Variants in SPATA7 observed in about 807,000 individuals in gnomAD.
SPATA7 encodes the protein spermatogenesis-associated protein 7.
A neutral mutation model predicts 51.8 loss-of-function variants in SPATA7; 43 were observed. The observed-to-expected ratio is 0.83, with a 90% confidence interval of 0.65 to 1.07. SPATA7 has a LOEUF of 1.07. SPATA7 is among the 50% of genes least tolerant of loss of function. The probability of loss-of-function intolerance (pLI) is 0.00; values close to 1 mark genes in which losing one functional copy is unlikely to be tolerated. For missense variants in SPATA7, 683 were observed against 701.3 expected, an observed-to-expected ratio of 0.97 and a Z score of 0.30; for synonymous variants, 230 against 252.8, an observed-to-expected ratio of 0.91 and a Z score of 0.86.
intron 3 of SPATA7, among the ~76,000 whole-genome samples, chr14:88,445,197 T>C (rs1219644311): frequency 6.6e-6 from 1 of 151,308 alleles, no homozygotes; most frequent in Middle Eastern, 3.4e-3. Context: ...AAGAGGTCCT[T>C]CACATCCCTT....
At chr14:88,439,757 A>G (rs187980368), downstream of SPATA7, among the ~76,000 whole-genome samples, 92 of 152,252 alleles carry the variant, frequency 6.0e-4, 1 homozygote, top group Non-Finnish European at 5.9e-5. Context: ...GACCATCACC[A>G]CTGTCTTCAG....
intron 4 of SPATA7, among the ~76,000 whole-genome samples, chr14:88,409,651 T>G (rs2076288238): frequency 6.6e-6 from 1 of 152,186 alleles, no homozygotes; most frequent in African/African-American, 2.4e-5. Context: ...TAGTTTGCTC[T>G]CGCTCCTCTA....
intron 6 of SPATA7, 120 bp downstream of exon 6, chr14:88,426,824 T>G: frequency 4.5e-6 from 4 of 896,804 alleles, no homozygotes; most frequent in Non-Finnish European, 7.0e-6. Flanking sequence ...TTGATTGGAA[T>G]GAGATGAATG....
intron 1 of SPATA7, 35 bp downstream of exon 1, chr14:88,385,872 G>A (rs374569984): frequency 1.3e-6 from 2 of 1,586,226 alleles, no homozygotes; most frequent in East Asian, 2.3e-5. Flanking sequence ...CCGCCGCCTC[G>A]CCCCTCGCTC....
At chr14:88,410,003 C>G (rs531772933) in intron 4 of SPATA7, among the ~76,000 whole-genome samples, 14 of 152,150 alleles carry the variant, frequency 9.2e-5, no homozygotes, top group Admixed American at 2.6e-4. Flanking sequence ...GAGTGTTTTA[C>G]TTCCAATTAT....
At position 88,469,612 on chromosome 14, in the gene SPATA7, G is replaced by T; in HGVS notation, c.255-235G>T. On this transcript the variant is annotated intron_variant, in intron 4 of 4. Transcript: ENST00000556406. The surrounding 1 kb of genome is among the most constrained non-coding windows in gnomAD (Gnocchi z 4.3). ...GAGGTGCTTCATCTTCAGGCCTGTG[G>T]TGGCATAGCAGCCAGAGTCTGTGCG... The T allele has an allele frequency of 6.2e-7, 1 of 1,614,146 alleles. No homozygotes were observed. The highest frequency in any genetic ancestry group is 2.2e-5 in the East Asian group (1 of 44,874).
intron 9 of SPATA7, among the ~76,000 whole-genome samples, chr14:88,432,171 C>A (rs977631637): frequency 1.3e-5 from 2 of 152,066 alleles, no homozygotes; most frequent in Non-Finnish European, 2.9e-5. Context: ...CTAACCTCAG[C>A]AGTTCTTTGC....
At chr14:88,431,955 G>GA (rs1402751786) in intron 9 of SPATA7, among the ~76,000 whole-genome samples, 2 of 152,024 alleles carry the variant, frequency 1.3e-5, no homozygotes, top group African/African-American at 4.8e-5. Context: ...ATTTTTTTGA[G>GA]AAATAATAAC....
At chr14:88,459,849 G>C (rs534058909), downstream of SPATA7, among the ~76,000 whole-genome samples, 107 of 152,080 alleles carry the variant, frequency 7.0e-4, 1 homozygote, top group Non-Finnish European at 1.0e-4. Flanking sequence ...GCAGTGGCTG[G>C]TACCAGTCGT....
At chr14:88,437,694 C>CT (rs371581057) in intron 11 of SPATA7, 97 bp downstream of exon 11, 1,068 of 1,306,960 alleles carry the variant, frequency 8.2e-4, no homozygotes, top group Non-Finnish European at 9.8e-4. Flanking sequence ...AAAGCAAGTG[C>CT]TTTTTTTTTC....
intron 8 of SPATA7, among the ~76,000 whole-genome samples, chr14:88,430,569 A>G (rs1011257903): frequency 1.6e-4 from 24 of 152,200 alleles, no homozygotes; most frequent in Non-Finnish European, 1.3e-4. Flanking sequence ...AAATATTTTC[A>G]TAATAATGTA....
chr14:88,407,069 A>G (rs1457395372), intron 4 of SPATA7, among the ~76,000 whole-genome samples: 1 of 152,218 alleles, frequency 6.6e-6, no homozygotes, highest in African/African-American at 2.4e-5. Flanking sequence ...CAGTGCTGCA[A>G]TAAACATATG....
chr14:88,419,887 A>C (rs1056465435), intron 5 of SPATA7, among the ~76,000 whole-genome samples: 9 of 151,920 alleles, frequency 5.9e-5, no homozygotes, highest in Non-Finnish European at 1.0e-4. Context: ...TGGTAGACAA[A>C]ATTTGAAGAC....
At chr14:88,459,037 T>G (rs549094002), downstream of SPATA7, among the ~76,000 whole-genome samples, 1 of 152,294 alleles carries the variant, frequency 6.6e-6, no homozygotes, top group East Asian at 1.9e-4. Context: ...CGGTTTTGAG[T>G]GAGTTTCTTA....
At chr14:88,470,293 G>T in exon 5 of SPATA7, 1 of 498,988 alleles carries the variant, frequency 2.0e-6, no homozygotes. Context: ...TATGCAACCT[G>T]TTTAACCTTG....
In SPATA7 at chr14:88,385,759, C is replaced by A; in HGVS notation, c.-60C>A. ...CCTCCACTGCCGGGGCTGGGCCCGG[C>A]CGCGGGAAGGACCGAAGGGGATACA... is the stretch of plus-strand genomic sequence containing the variant. On this transcript the variant is annotated 5_prime_UTR_variant, in exon 1 of 12. Transcript: ENST00000393545. The A allele has an allele frequency of 6.5e-7, 1 of 1,539,982 alleles. No individual in the cohort carries two copies. The highest frequency in any genetic ancestry group is 8.9e-7 in the Non-Finnish European group (1 of 1,125,308).
intron 4 of SPATA7, among the ~76,000 whole-genome samples, chr14:88,408,554 CAG>C (rs1217420849): frequency 2.0e-5 from 3 of 148,676 alleles, no homozygotes; most frequent in African/African-American, 7.9e-5. Context: ...CATCTGCAAA[CAG>C]AGACAATTTG....
chr14:88,435,501 G>T (rs1477064416), intron 10 of SPATA7, among the ~76,000 whole-genome samples: 1 of 152,082 alleles, frequency 6.6e-6, no homozygotes, highest in Non-Finnish European at 1.5e-5. Context: ...TAGTCACCCT[G>T]TTGTGCTGTC....
At chr14:88,420,256 G>C (rs73323525) in intron 5 of SPATA7, among the ~76,000 whole-genome samples, 1 of 151,986 alleles carries the variant, frequency 6.6e-6, no homozygotes, top group Non-Finnish European at 1.5e-5. Flanking sequence ...CCTCAGGTCC[G>C]GTACAGACCT....
Sources: allele counts gnomAD v4.1 joint callset (sites outside exome capture counted in the v4.1 genomes callset), GRCh38; gene constraint gnomAD v4.1.1; non-coding constraint Gnocchi (gnomAD v3.1); transcripts MANE v1.5; gene names NCBI Gene and HGNC (gene_info 2026-07-23, HGNC 2026-07-21).